Variants in XKR9 observed in about 807,000 individuals in gnomAD.
XKR9 encodes the protein XK related 9.
XKR9 carries 32 observed loss-of-function variants against 32.0 expected under a neutral mutation model. That is an observed-to-expected ratio of 1.00 (90% CI 0.76 to 1.34). XKR9 has a LOEUF of 1.34. XKR9 is among the 40% of genes most tolerant of loss of function. XKR9 has a pLI of 0.00. For missense variants in XKR9, 546 were observed against 429.7 expected (o/e 1.27, Z -2.39); for synonymous variants, 168 against 143.4 (o/e 1.17, Z -1.22).
the XKR9 span, among the ~76,000 whole-genome samples, chr8:70,992,000 A>G: frequency 6.6e-6 from 1 of 152,300 alleles, no homozygotes; most frequent in African/African-American, 2.4e-5. Flanking sequence ...AAAGCCTGTA[A>G]TATTAATTGC....
the XKR9 span, among the ~76,000 whole-genome samples, chr8:70,863,575 A>G: frequency 1.3e-5 from 2 of 152,300 alleles, no homozygotes; most frequent in East Asian, 3.9e-4. Context: ...AAACTGTTGA[A>G]ATGTTTCAAG....
chr8:70,974,790 T>C, the XKR9 span, among the ~76,000 whole-genome samples: 4 of 152,326 alleles, frequency 2.6e-5, no homozygotes, highest in South Asian at 8.3e-4. Flanking sequence ...GTATTTCTAG[T>C]TCTAGATCCT....
the XKR9 span, among the ~76,000 whole-genome samples, chr8:70,808,118 CA>C: frequency 2.0e-5 from 3 of 152,152 alleles, no homozygotes; most frequent in African/African-American, 7.2e-5. Context: ...AAAACTCACT[CA>C]AAACCACACA....
rs1411453053 is a variant in XKR9, at chr8:70,759,463, T to A, written n.353-29876T>A. ...TTCCTCCTTTTTATTGTGAGATAGGTTTGGAAATAATCTGTCTGACAGATC... is the reference window on the plus strand; with the variant it reads ...TTCCTCCTTTTTATTGTGAGATAGGATTGGAAATAATCTGTCTGACAGATC... On this transcript the variant is annotated intron_variant and non_coding_transcript_variant, in intron 2 of 3. Coordinates refer to the XKR9 transcript ENST00000520273. Among the ~76,000 whole-genome samples the A allele has an allele frequency of 2.0e-5, 3 of 152,298 alleles. No homozygotes were observed. The East Asian group carries it at 5.8e-4, about 29-fold the overall frequency.
chr8:70,919,295 C>T, the XKR9 span, among the ~76,000 whole-genome samples: 1 of 152,174 alleles, frequency 6.6e-6, no homozygotes, highest in Non-Finnish European at 1.5e-5. Flanking sequence ...TATGTGAAAA[C>T]ATGCATCAGG....
intron 2 of XKR9, among the ~76,000 whole-genome samples, chr8:70,745,409 A>G (rs2130172452): frequency 6.6e-6 from 1 of 152,292 alleles, no homozygotes; most frequent in Admixed American, 6.5e-5. Flanking sequence ...ATAAAAGAAC[A>G]CTCATATGCA....
chr8:70,817,863 A>G, the XKR9 span, among the ~76,000 whole-genome samples: 4 of 152,206 alleles, frequency 2.6e-5, no homozygotes, highest in African/African-American at 9.6e-5. Context: ...GCAATAGGGA[A>G]AACACTCCAT....
chr8:70,846,006 CTG>C, the XKR9 span, among the ~76,000 whole-genome samples: 2 of 152,114 alleles, frequency 1.3e-5, no homozygotes, highest in African/African-American at 4.8e-5. Context: ...TATAGTCAAA[CTG>C]TCAAAAGTCA....
chr8:71,006,097 T>C, the XKR9 span, among the ~76,000 whole-genome samples: 1 of 152,242 alleles, frequency 6.6e-6, no homozygotes, highest in African/African-American at 2.4e-5. Flanking sequence ...TTCCAGGCCT[T>C]TCAGGCCAAA....
the XKR9 span, among the ~76,000 whole-genome samples, chr8:70,870,602 G>A: frequency 1.2e-4 from 19 of 152,314 alleles, no homozygotes; most frequent in South Asian, 2.9e-3. Flanking sequence ...GTAATTTGCC[G>A]TGTAAAGACC....
At chr8:71,034,131 G>A in the XKR9 span, among the ~76,000 whole-genome samples, 1 of 152,166 alleles carries the variant, frequency 6.6e-6, no homozygotes, top group South Asian at 2.1e-4. Context: ...GTCTGGCTCT[G>A]TGTCTCCACC....
At chr8:71,054,806 G>C in the XKR9 span, among the ~76,000 whole-genome samples, 1 of 152,120 alleles carries the variant, frequency 6.6e-6, no homozygotes. Context: ...GGATTCAAAA[G>C]ATCTAAATTA....
At chr8:70,780,994 A>G (rs1807607994) in intron 2 of XKR9, 1 of 151,918 alleles carries the variant, frequency 6.6e-6, no homozygotes, top group Admixed American at 6.6e-5. Flanking sequence ...ATAACCCACC[A>G]TCATCAGGCC....
intron 2 of XKR9, among the ~76,000 whole-genome samples, chr8:70,752,657 A>G (rs1237461849): frequency 6.6e-6 from 1 of 152,188 alleles, no homozygotes; most frequent in Admixed American, 6.5e-5. Context: ...GGGACAAACC[A>G]TAGCAAAGTC....
the XKR9 span, among the ~76,000 whole-genome samples, chr8:70,879,872 C>A: frequency 6.6e-6 from 1 of 152,106 alleles, no homozygotes; most frequent in African/African-American, 2.4e-5. Flanking sequence ...TGCGAAAATC[C>A]TCAATAAAAT....
intron 2 of XKR9, among the ~76,000 whole-genome samples, chr8:70,788,005 G>GA (rs1241260931): frequency 6.6e-6 from 1 of 151,970 alleles, no homozygotes; most frequent in Non-Finnish European, 1.5e-5. Flanking sequence ...GTTAACTGAA[G>GA]AAAAAAGTCT....
At chr8:70,900,556 T>C in the XKR9 span, among the ~76,000 whole-genome samples, 2 of 151,888 alleles carry the variant, frequency 1.3e-5, no homozygotes, top group African/African-American at 4.8e-5. Context: ...GCCACTGTAC[T>C]CCAGCCTGGG....
the XKR9 span, among the ~76,000 whole-genome samples, chr8:71,052,782 G>A: frequency 6.6e-6 from 1 of 152,186 alleles, no homozygotes; most frequent in Non-Finnish European, 1.5e-5. Flanking sequence ...CGCAGATTGC[G>A]CACTGTGATG....
the XKR9 span, among the ~76,000 whole-genome samples, chr8:70,901,419 G>A: frequency 2.0e-5 from 3 of 152,252 alleles, no homozygotes; most frequent in East Asian, 3.9e-4. Flanking sequence ...GTGATGATGA[G>A]CATTTTTTCA....
Sources: allele counts gnomAD v4.1 joint callset (sites outside exome capture counted in the v4.1 genomes callset), GRCh38; gene constraint gnomAD v4.1.1; transcripts MANE v1.5; gene names NCBI Gene and HGNC (gene_info 2026-07-23, HGNC 2026-07-21).